Variants in CELF2 observed in about 807,000 individuals in gnomAD.
CELF2 encodes the protein CUG triplet repeat RNA-binding protein 2.
Under a neutral mutation model 62.6 loss-of-function variants are expected in CELF2, and 8 were observed. The ratio of observed to expected loss-of-function variants is 0.13; its 90% confidence interval spans 0.07 to 0.23. The LOEUF is 0.23. CELF2 is among the 10% of genes least tolerant of loss of function. CELF2 has a pLI of 1.00. For synonymous variants in CELF2, 258 were observed against 250.0 expected, an observed-to-expected ratio of 1.03 and a Z score of -0.30; for missense variants, 333 against 671.0, an observed-to-expected ratio of 0.50 and a Z score of 5.56.
At position 11,334,880 on chromosome 10, in the gene CELF2, C is replaced by G. The variant is rs750413601; in HGVS notation, c.*5827C>G. The stretch of plus-strand genomic sequence containing the variant: ...CCAGTGAAAAGGGTTAAACTTAAGT[C>G]TATTATTTGTTGCCCTCAATCAAAA... On this transcript the variant is annotated 3_prime_UTR_variant, in exon 13 of 13. Coordinates refer to ENST00000633077, the MANE Select transcript of CELF2 (RefSeq NM_001326342.2). The G allele has an allele frequency of 2.0e-5, 3 of 152,158 alleles. No individual in the cohort carries two copies. The highest frequency in any genetic ancestry group is 2.9e-5 in the Non-Finnish European group (2 of 68,020). 9.4% of individuals were successfully genotyped at this position (152,158 alleles called of 1,614,324 possible).
chr10:10,907,144 T>C (rs2063417186), intron 1 of CELF2, among the ~76,000 whole-genome samples: 1 of 151,868 alleles, frequency 6.6e-6, no homozygotes, highest in African/African-American at 2.4e-5. Context: ...TGCACACACA[T>C]AACTAGAAGG....
At chr10:10,702,450 T>G in the CELF2 span, among the ~76,000 whole-genome samples, 1 of 152,210 alleles carries the variant, frequency 6.6e-6, no homozygotes, top group Admixed American at 6.5e-5. Context: ...TGTAGTTGTG[T>G]CAACGTTTGA....
At chr10:11,137,476 C>T (rs1194553679) in intron 1 of CELF2, among the ~76,000 whole-genome samples, 3 of 152,152 alleles carry the variant, frequency 2.0e-5, no homozygotes, top group Non-Finnish European at 4.4e-5. Flanking sequence ...CATGTGTGTA[C>T]TCTGACTATA....
chr10:10,982,592 G>C (rs1334091155), intron 2 of CELF2, among the ~76,000 whole-genome samples: 1 of 152,176 alleles, frequency 6.6e-6, no homozygotes, highest in Non-Finnish European at 1.5e-5. Flanking sequence ...GGAAAGAGCT[G>C]CTCATCAGAT....
At chr10:10,489,579 T>G in the CELF2 span, among the ~76,000 whole-genome samples, 6 of 152,150 alleles carry the variant, frequency 3.9e-5, no homozygotes, top group African/African-American at 9.7e-5. Context: ...TCAATTTTGA[T>G]TCTTATATGT....
intron 2 of CELF2, among the ~76,000 whole-genome samples, chr10:10,986,713 C>T (rs2052796357): frequency 6.6e-6 from 1 of 152,148 alleles, no homozygotes; most frequent in East Asian, 1.9e-4. Context: ...GATGATGGCA[C>T]AACTGTAACG....
chr10:10,756,380 G>C, the CELF2 span, among the ~76,000 whole-genome samples: 2 of 152,260 alleles, frequency 1.3e-5, no homozygotes, highest in South Asian at 4.1e-4. Flanking sequence ...TATTTGGATA[G>C]TCATTCTGTT....
chr10:10,582,736 G>A, the CELF2 span, among the ~76,000 whole-genome samples: 21 of 152,184 alleles, frequency 1.4e-4, no homozygotes, highest in South Asian at 2.1e-4. Context: ...CCCTAAAAGC[G>A]TAAAAATATG....
the CELF2 span, among the ~76,000 whole-genome samples, chr10:10,676,183 T>C: frequency 6.6e-6 from 1 of 152,144 alleles, no homozygotes; most frequent in Non-Finnish European, 1.5e-5. Flanking sequence ...TCCAAGTGTT[T>C]CTCATTTTAT....
chr10:11,325,751 C>A lies in CELF2; in HGVS notation c.1295-85C>A, dbSNP rs2095691624. The A allele has an allele frequency of 1.2e-5, 15 of 1,213,988 alleles. 1 individual carries two copies. In the South Asian group the frequency reaches 2.1e-4, roughly 17 times the overall value. The allele number at this position is 1,213,988 out of a possible 1,614,324, so 75.2% of individuals were successfully genotyped here. A position where few individuals can be genotyped will look rare whatever the true frequency, so the allele number is the denominator to read the frequency against. On this transcript the variant is annotated intron_variant, in intron 11 of 12. Transcript: ENST00000633077. Reference sequence around the variant, plus strand: ...TTTGTTCAACTAAATGCTTAGCCTACCTGTTGTTAAAGTATTCCTAAGAAG... The same window carrying A: ...TTTGTTCAACTAAATGCTTAGCCTAACTGTTGTTAAAGTATTCCTAAGAAG...
chr10:10,797,602 T>C (rs1404760647), upstream of CELF2, among the ~76,000 whole-genome samples: 1 of 152,154 alleles, frequency 6.6e-6, no homozygotes, highest in Non-Finnish European at 1.5e-5. Context: ...GACTATCAAG[T>C]AAAGCTCATG....
At chr10:10,509,263 C>G in the CELF2 span, among the ~76,000 whole-genome samples, 1 of 152,090 alleles carries the variant, frequency 6.6e-6, no homozygotes, top group African/African-American at 2.4e-5. Flanking sequence ...CTCTATTATG[C>G]CTGCTTGTGA....
chr10:11,220,421 G>A lies in CELF2; in HGVS notation c.354+2914G>A, dbSNP rs2064497148. On this transcript the variant is annotated intron_variant, in intron 3 of 12. Coordinates refer to ENST00000633077, the MANE Select transcript of CELF2 (RefSeq NM_001326342.2). The surrounding 1 kb of genome is among the most constrained non-coding windows in gnomAD (Gnocchi z 4.4). Reference sequence around the variant, plus strand: ...ACAAGTTGATAGGATGGTCTGTTGTGCAATCAAATGTGTCTGCCATAAGAT... The same window carrying A: ...ACAAGTTGATAGGATGGTCTGTTGTACAATCAAATGTGTCTGCCATAAGAT... Among the ~76,000 whole-genome samples, 1 of 152,168 alleles carries A rather than the reference G, an allele frequency of 6.6e-6. No homozygotes were observed. Among genetic ancestry groups the A allele is most frequent in the South Asian group, 2.1e-4 (1 of 4,832 alleles).
intron 1 of CELF2, among the ~76,000 whole-genome samples, chr10:11,106,462 C>T (rs2053531656): frequency 6.6e-6 from 1 of 152,200 alleles, no homozygotes; most frequent in South Asian, 2.1e-4. Context: ...GTCTTGAACT[C>T]CTGACCTCAA....
At chr10:11,093,268 A>G (rs1021218828) in intron 1 of CELF2, among the ~76,000 whole-genome samples, 1 of 151,358 alleles carries the variant, frequency 6.6e-6, no homozygotes, top group African/African-American at 2.4e-5. Flanking sequence ...GTGTTTGGGA[A>G]TTAATGTGAA....
chr10:10,943,895 C>A (rs1389665861), intron 2 of CELF2, among the ~76,000 whole-genome samples: 2 of 152,136 alleles, frequency 1.3e-5, no homozygotes, highest in Non-Finnish European at 2.9e-5. Flanking sequence ...AGCCACCACA[C>A]TCAGCCCCAA....
chr10:11,293,890 T>C (rs1386394385), intron 9 of CELF2, among the ~76,000 whole-genome samples: 1 of 152,126 alleles, frequency 6.6e-6, no homozygotes, highest in Non-Finnish European at 1.5e-5. Flanking sequence ...CGCACACGTC[T>C]CTAAGGAGGC....
chr10:10,536,138 G>T, the CELF2 span, among the ~76,000 whole-genome samples: 5 of 151,372 alleles, frequency 3.3e-5, no homozygotes, highest in Admixed American at 6.6e-5. Flanking sequence ...TACTGCCTCA[G>T]CCTCCTGAGT....
At chr10:11,071,516 GA>G (rs1594606069) in intron 1 of CELF2, 1 of 152,162 alleles carries the variant, frequency 6.6e-6, no homozygotes, top group African/African-American at 2.4e-5. Context: ...CATCGCAGTT[GA>G]AATAAACTGC....
Sources: allele counts gnomAD v4.1 joint callset (sites outside exome capture counted in the v4.1 genomes callset), GRCh38; gene constraint gnomAD v4.1.1; non-coding constraint Gnocchi (gnomAD v3.1); transcripts MANE v1.5; gene names NCBI Gene and HGNC (gene_info 2026-07-23, HGNC 2026-07-21).